Variants in C1orf21 observed in about 807,000 individuals in gnomAD.
C1orf21 encodes the protein chromosome 1 open reading frame 21, also known as uncharacterized protein C1orf21.
C1orf21 carries 3 observed loss-of-function variants against 18.7 expected under a neutral mutation model. The ratio of observed to expected loss-of-function variants is 0.16; its 90% CI spans 0.07 to 0.42. C1orf21 has a LOEUF of 0.42. Ranked by LOEUF, C1orf21 falls within the 10% of genes least tolerant of loss-of-function variation. The pLI is 0.99. For missense variants in C1orf21, 104 were observed against 143.6 expected (o/e 0.72, Z 1.41); for synonymous variants, 41 against 46.4 (o/e 0.88, Z 0.47).
intron 1 of C1orf21, among the ~76,000 whole-genome samples, chr1:184,456,887 A>G (rs1185726633): frequency 6.6e-6 from 1 of 152,190 alleles, no homozygotes; most frequent in African/African-American, 2.4e-5. Context: ...AGATGTCTCC[A>G]GGGGTGCTCA....
intron 5 of C1orf21, among the ~76,000 whole-genome samples, chr1:184,611,012 T>C (rs2102008456): frequency 6.6e-6 from 1 of 152,318 alleles, no homozygotes; most frequent in African/African-American, 2.4e-5. Context: ...ACTGCTGTTA[T>C]TATCACGGTG....
intron 2 of C1orf21, among the ~76,000 whole-genome samples, chr1:184,496,697 A>T (rs1398976918): frequency 6.6e-6 from 1 of 152,238 alleles, no homozygotes; most frequent in Admixed American, 6.5e-5. Flanking sequence ...GAAAGAAGAC[A>T]GTAGAGAAGA....
chr1:184,510,134 A>G (rs1658122875), intron 3 of C1orf21, among the ~76,000 whole-genome samples: 1 of 152,252 alleles, frequency 6.6e-6, no homozygotes, highest in South Asian at 2.1e-4. Flanking sequence ...GCTTTATGTT[A>G]CTTGGTGAGA....
chr1:184,455,434 G>C lies in C1orf21; in HGVS notation c.-124-21952G>C, dbSNP rs145112994. On this transcript the variant is annotated intron_variant, in intron 1 of 5. Transcript: ENST00000235307. ...TTCTGCATTCCTAAAAAGATCCTAG[G>C]TGTATCCCAGTCCTGTTGGTCCCTA... 7.5e-3 allele frequency among the ~76,000 whole-genome samples: 1,147 copies of C among 152,218 alleles called. 7 individuals carry two copies. The highest frequency in any genetic ancestry group is 0.024 in the Middle Eastern group (7 of 294).
chr1:184,491,586 A>G (rs938451337), intron 2 of C1orf21, among the ~76,000 whole-genome samples: 7 of 152,186 alleles, frequency 4.6e-5, no homozygotes, highest in Non-Finnish European at 8.8e-5. Context: ...TCCTGAGCTC[A>G]AGCAATCTGC....
At chr1:184,530,600 C>CTTTTTTTTT (rs1184327589) in intron 3 of C1orf21, among the ~76,000 whole-genome samples, 11 of 111,470 alleles carry the variant, frequency 9.9e-5, no homozygotes, top group African/African-American at 1.4e-4. Flanking sequence ...TTTCTTTTTT[C>CTTTTTTTTT]TTTTTTTTTT....
At chr1:184,479,969 A>G (rs1571377952) in intron 2 of C1orf21, among the ~76,000 whole-genome samples, 1 of 152,278 alleles carries the variant, frequency 6.6e-6, no homozygotes, top group East Asian at 1.9e-4. Context: ...TATCCTATGT[A>G]TAAGGCCTTT....
intron 2 of C1orf21, among the ~76,000 whole-genome samples, chr1:184,507,346 G>A (rs1221309183): frequency 6.6e-6 from 1 of 152,122 alleles, no homozygotes; most frequent in Non-Finnish European, 1.5e-5. Flanking sequence ...GAAGGACCAG[G>A]CAGTGACACT....
intron 3 of C1orf21, among the ~76,000 whole-genome samples, chr1:184,530,053 C>A (rs530486290): frequency 5.3e-5 from 8 of 152,166 alleles, no homozygotes; most frequent in African/African-American, 1.9e-4. Context: ...GAACTGATGT[C>A]TCTAAAATGC....
chr1:184,399,993 T>C (rs1656123518), intron 1 of C1orf21, among the ~76,000 whole-genome samples: 1 of 148,264 alleles, frequency 6.7e-6, no homozygotes, highest in South Asian at 2.1e-4. Flanking sequence ...GATTTTCTAG[T>C]AGCCTCTAGA....
chr1:184,419,542 G>A (rs1197814101), intron 1 of C1orf21, among the ~76,000 whole-genome samples: 3 of 151,988 alleles, frequency 2.0e-5, no homozygotes, highest in East Asian at 3.9e-4. Context: ...CTCAGCCCTC[G>A]AGGAGCATAT....
intron 1 of C1orf21, among the ~76,000 whole-genome samples, chr1:184,416,065 AC>A (rs1350440278): frequency 6.6e-6 from 1 of 152,206 alleles, no homozygotes; most frequent in African/African-American, 2.4e-5. Context: ...GAACCAAACC[AC>A]ATCTTCATAG....
intron 3 of C1orf21, among the ~76,000 whole-genome samples, chr1:184,546,439 C>T (rs1046101714): frequency 1.3e-5 from 2 of 151,968 alleles, no homozygotes; most frequent in Non-Finnish European, 2.9e-5. Flanking sequence ...CATCTCAAAA[C>T]CAAACAAAAA....
intron 1 of C1orf21, among the ~76,000 whole-genome samples, chr1:184,434,331 A>G (rs1209388138): frequency 2.0e-5 from 3 of 151,748 alleles, no homozygotes; most frequent in Non-Finnish European, 2.9e-5. Context: ...TCTGTCAGGT[A>G]GGGGCTATTA....
rs942513374 is a variant in C1orf21 at position 184,619,737 on chromosome 1, A to G, written c.*181A>G. The G allele has an allele frequency of 2.1e-5, 10 of 480,530 alleles. No individual in the cohort carries two copies. The highest frequency in any genetic ancestry group is 2.8e-5 in the Non-Finnish European group (8 of 281,118). The allele number at this position is 480,530 out of a possible 1,614,324, so 29.8% of individuals were successfully genotyped here. ...AATGAACTTGCAAAGGAATATTGCT[A>G]AAAACAAACAAAAAAAACTGTTATC... On this transcript the variant is annotated 3_prime_UTR_variant, in exon 6 of 6. Coordinates refer to ENST00000235307, the MANE Select transcript of C1orf21 (RefSeq NM_030806.4).
intron 2 of C1orf21, among the ~76,000 whole-genome samples, chr1:184,477,905 A>G (rs958880159): frequency 1.3e-5 from 2 of 152,152 alleles, no homozygotes; most frequent in African/African-American, 4.8e-5. Context: ...TAAGCCTTTC[A>G]TTTTTGTGAC....
At chr1:184,599,614 T>G (rs1659560316) in intron 5 of C1orf21, 1 of 152,206 alleles carries the variant, frequency 6.6e-6, no homozygotes, top group Non-Finnish European at 1.5e-5. Flanking sequence ...AATAATTTTT[T>G]TTTATTTTCA....
chr1:184,594,434 A>T (rs1459119162), intron 4 of C1orf21, among the ~76,000 whole-genome samples: 1 of 152,252 alleles, frequency 6.6e-6, no homozygotes, highest in African/African-American at 2.4e-5. Flanking sequence ...GGGAGCCCCT[A>T]TGAGAAAATG....
At chr1:184,580,498 A>G (rs1165347140) in intron 3 of C1orf21, among the ~76,000 whole-genome samples, 1 of 152,200 alleles carries the variant, frequency 6.6e-6, no homozygotes, top group Non-Finnish European at 1.5e-5. Context: ...GTCCTCCTCA[A>G]ATAGGGCATG....
Sources: gnomAD v4.1 joint callset for allele counts (sites outside exome capture counted in the v4.1 genomes callset) on GRCh38, gnomAD v4.1.1 for gene constraint, MANE v1.5 for transcripts, NCBI Gene and HGNC (gene_info 2026-07-23, HGNC 2026-07-21) for gene names.